The following CCDC171 variants were observed in gnomAD, a reference collection of about 807,000 sequenced individuals.
CCDC171 encodes the protein coiled-coil domain containing 171.
In CCDC171, 177 loss-of-function variants were observed where a neutral mutation model predicts 168.2. The ratio of observed to expected loss-of-function variants is 1.05; its 90% CI spans 0.93 to 1.19. The LOEUF (loss-of-function observed/expected upper bound fraction) is 1.19, where lower values mean the gene tolerates loss of function less well. CCDC171 is among the 50% of genes most tolerant of loss of function. CCDC171 has a pLI of 0.00. For synonymous variants in CCDC171, 687 were observed against 540.8 expected (o/e 1.27, Z -3.75); for missense variants, 1,991 against 1,539.0 (o/e 1.29, Z -4.91).
At chr9:15,824,702 C>T (rs1205350567) in intron 21 of CCDC171, among the ~76,000 whole-genome samples, 1 of 152,082 alleles carries the variant, frequency 6.6e-6, no homozygotes, top group Admixed American at 6.6e-5. Flanking sequence ...CTTTAAGAAA[C>T]AAGTATCTTT....
chr9:15,760,989 T>C (rs1319140051), intron 18 of CCDC171, among the ~76,000 whole-genome samples: 2 of 152,148 alleles, frequency 1.3e-5, no homozygotes, highest in African/African-American at 2.4e-5. Context: ...ATATCAATCA[T>C]GATGGGAATG....
In CCDC171 at chr9:15,971,809, C is replaced by G. The variant is rs757961849; in HGVS notation, c.3954C>G (p.Ala1318=). Reference sequence around the variant, plus strand: ...CTCCAGTGACTATGTCTGCTAATGCCAACAGACCAACTCAGATTGGATTAT... The same window carrying G: ...CTCCAGTGACTATGTCTGCTAATGCGAACAGACCAACTCAGATTGGATTAT... ...HSSPVTMSAN[A]NRPTQIGL The change falls in exon 26 of 26, where the codon GCC becomes GCG. Residue 1318 remains alanine (A), a synonymous_variant. Coordinates refer to ENST00000380701, the MANE Select transcript of CCDC171 (RefSeq NM_173550.4). The G allele has an allele frequency of 4.5e-5, 72 of 1,612,986 alleles. No individual in the cohort carries two copies. The highest frequency in any genetic ancestry group is 5.9e-5 in the Non-Finnish European group (70 of 1,179,184).
intron 25 of CCDC171, among the ~76,000 whole-genome samples, chr9:15,927,305 G>A (rs1324339270): frequency 6.6e-6 from 1 of 151,622 alleles, no homozygotes; most frequent in Non-Finnish European, 1.5e-5. Flanking sequence ...TAACTAGAAA[G>A]GGCTTTGAGT....
intron 16 of CCDC171, among the ~76,000 whole-genome samples, chr9:15,739,247 G>A (rs2054690667): frequency 6.6e-6 from 1 of 152,176 alleles, no homozygotes; most frequent in Non-Finnish European, 1.5e-5. Flanking sequence ...GGAGATCGAA[G>A]GCAAAGGAGC....
intron 9 of CCDC171, among the ~76,000 whole-genome samples, chr9:15,678,256 A>T (rs2049782357): frequency 6.6e-6 from 1 of 151,948 alleles, no homozygotes; most frequent in Non-Finnish European, 1.5e-5. Flanking sequence ...TTGAAAAGAA[A>T]TTCGTATGTC....
At chr9:15,824,753 C>A (rs182592950) in intron 21 of CCDC171, among the ~76,000 whole-genome samples, 12 of 152,072 alleles carry the variant, frequency 7.9e-5, no homozygotes, top group African/African-American at 2.9e-4. Context: ...TACTGTTGTC[C>A]ATCCCTAGAT....
the CCDC171 span, among the ~76,000 whole-genome samples, chr9:16,080,406 G>T: frequency 6.6e-6 from 1 of 152,108 alleles, no homozygotes; most frequent in African/African-American, 2.4e-5. Context: ...AACTTGGTTT[G>T]CCCATAGTTC....
chr9:15,953,838 AG>A (rs1314704131), intron 25 of CCDC171, among the ~76,000 whole-genome samples: 1 of 151,978 alleles, frequency 6.6e-6, no homozygotes, highest in Non-Finnish European at 1.5e-5. Flanking sequence ...TTGATTACTG[AG>A]TCAATCTGTT....
chr9:16,093,606 C>G, the CCDC171 span, among the ~76,000 whole-genome samples: 1 of 152,216 alleles, frequency 6.6e-6, no homozygotes, highest in Non-Finnish European at 1.5e-5. Context: ...TTCTGTGCCT[C>G]TTCTCTCTCT....
At chr9:15,642,355 A>ACACGTGTG (rs2046697940) in intron 7 of CCDC171, among the ~76,000 whole-genome samples, 1 of 39,606 alleles carries the variant, frequency 2.5e-5, no homozygotes, top group African/African-American at 6.5e-5. Context: ...ATATATATAT[A>ACACGTGTG]TATATATATA....
chr9:15,675,350 T>C (rs919493164), intron 9 of CCDC171, among the ~76,000 whole-genome samples: 2 of 152,166 alleles, frequency 1.3e-5, no homozygotes, highest in Non-Finnish European at 2.9e-5. Flanking sequence ...TGTCTTTTAC[T>C]TGGGACATTT....
intron 21 of CCDC171, among the ~76,000 whole-genome samples, chr9:15,809,780 A>T (rs1196712631): frequency 1.3e-5 from 2 of 152,208 alleles, no homozygotes; most frequent in African/African-American, 4.8e-5. Flanking sequence ...GAGCGAAAGA[A>T]CAAAGCTTCC....
chr9:15,855,794 A>G (rs1001506331), intron 23 of CCDC171, among the ~76,000 whole-genome samples: 1 of 151,884 alleles, frequency 6.6e-6, no homozygotes, highest in Non-Finnish European at 1.5e-5. Flanking sequence ...ACGTAGTGCC[A>G]ATTATGTTTA....
intron 14 of CCDC171, among the ~76,000 whole-genome samples, chr9:15,726,885 C>A (rs2053842480): frequency 6.6e-6 from 1 of 152,044 alleles, no homozygotes; most frequent in African/African-American, 2.4e-5. Context: ...TGCAGCTTTA[C>A]AATTACCTTG....
At chr9:15,646,864 TA>T in intron 7 of CCDC171, among the ~76,000 whole-genome samples, 1 of 152,246 alleles carries the variant, frequency 6.6e-6, no homozygotes, top group African/African-American at 2.4e-5. Flanking sequence ...TTAACAAGGA[TA>T]TCCAGGAATT....
At chr9:15,610,511 C>T (rs540349037) in intron 6 of CCDC171, among the ~76,000 whole-genome samples, 105 of 136,586 alleles carry the variant, frequency 7.7e-4, no homozygotes, top group Non-Finnish European at 1.1e-3. Flanking sequence ...CCTGTAATTC[C>T]AGCTACTTCG....
intron 7 of CCDC171, among the ~76,000 whole-genome samples, chr9:15,650,945 T>C (rs2047464457): frequency 6.6e-6 from 1 of 152,092 alleles, no homozygotes; most frequent in Non-Finnish European, 1.5e-5. Flanking sequence ...CTATCTAACT[T>C]TAGGACTTAT....
At chr9:15,954,306 C>T (rs1355725910) in intron 25 of CCDC171, among the ~76,000 whole-genome samples, 1 of 151,932 alleles carries the variant, frequency 6.6e-6, no homozygotes, top group Non-Finnish European at 1.5e-5. Context: ...TTAATGTAAG[C>T]ATTTATAGCT....
At chr9:16,104,164 AC>A in the CCDC171 span, among the ~76,000 whole-genome samples, 3 of 151,844 alleles carry the variant, frequency 2.0e-5, no homozygotes, top group Admixed American at 6.6e-5. Context: ...CCTTCTTCTT[AC>A]AAGCCTCCCA....
Sources: allele counts gnomAD v4.1 joint callset (sites outside exome capture counted in the v4.1 genomes callset), GRCh38; gene constraint gnomAD v4.1.1; transcripts MANE v1.5; gene names NCBI Gene and HGNC (gene_info 2026-07-23, HGNC 2026-07-21).